RANBP2: variants seen among roughly 807,000 people sequenced by gnomAD.
RANBP2 encodes E3 SUMO-protein ligase RanBP2.
RANBP2 carries 57 observed loss-of-function variants against 303.6 expected under a neutral mutation model. That is an observed-to-expected ratio of 0.19 (90% confidence interval 0.15 to 0.23). RANBP2 has a LOEUF of 0.23. RANBP2 is among the 10% of genes least tolerant of loss of function. The pLI is 1.00. For missense variants in RANBP2, 3,138 were observed against 3,780.8 expected, an observed-to-expected ratio of 0.83 and a Z score of 4.46; for synonymous variants, 1,167 against 1,301.5, an observed-to-expected ratio of 0.90 and a Z score of 2.23.
At chr2:109,694,185 T>G in the RANBP2 span, among the ~76,000 whole-genome samples, 191 of 152,284 alleles carry the variant, frequency 1.3e-3, 7 homozygotes, top group South Asian at 0.038. Flanking sequence ...GGCTTGGCAC[T>G]ATCCCCTTGG....
rs758276925 is a variant in RANBP2 at position 108,731,476 on chromosome 2, T to C, written c.405+2T>C. The C allele has an allele frequency of 6.2e-7, 1 of 1,611,254 alleles. No homozygotes were observed. Among genetic ancestry groups the C allele is most frequent in the South Asian group, 1.1e-5 (1 of 90,928 alleles). Reference sequence around the variant, plus strand: ...AGTCCTGCAATTTATAAACTAAAGGTAAACAAACAAAACATAAAGGGAGAA... The same window carrying C: ...AGTCCTGCAATTTATAAACTAAAGGCAAACAAACAAAACATAAAGGGAGAA... On this transcript the variant is annotated splice_donor_variant, in intron 4 of 28. Transcript: ENST00000283195. LOFTEE classifies it high-confidence loss of function.
chr2:109,171,244 C>T, the RANBP2 span, among the ~76,000 whole-genome samples: 2 of 152,062 alleles, frequency 1.3e-5, no homozygotes, highest in African/African-American at 4.8e-5. Context: ...TATTTGCTTA[C>T]ATGTATTTGG....
the RANBP2 span, among the ~76,000 whole-genome samples, chr2:108,867,825 A>G: frequency 1.3e-5 from 2 of 152,228 alleles, no homozygotes; most frequent in Non-Finnish European, 2.9e-5. Flanking sequence ...TTGAGTCATC[A>G]GAACTGGAAT....
the RANBP2 span, chr2:109,251,325 G>C: frequency 1.9e-5 from 9 of 477,102 alleles, no homozygotes; most frequent in Non-Finnish European, 3.5e-5. Context: ...CTTTAACAAA[G>C]AATTAGAGAG....
At chr2:109,374,807 C>T in the RANBP2 span, among the ~76,000 whole-genome samples, 132 of 152,346 alleles carry the variant, frequency 8.7e-4, no homozygotes, top group African/African-American at 3.0e-3. Context: ...TGGGGTTCAC[C>T]GAGGGACTCT....
At chr2:108,935,385 A>C in the RANBP2 span, among the ~76,000 whole-genome samples, 1 of 152,154 alleles carries the variant, frequency 6.6e-6, no homozygotes, top group South Asian at 2.1e-4. Context: ...GAAATGCAGA[A>C]TCTCAGCCCC....
At chr2:109,661,378 C>A in the RANBP2 span, among the ~76,000 whole-genome samples, 3 of 152,034 alleles carry the variant, frequency 2.0e-5, no homozygotes, top group African/African-American at 7.2e-5. Flanking sequence ...TCCCGAGTAG[C>A]TGGGATTACA....
At chr2:108,729,003 TA>T (rs1481161840) in intron 1 of RANBP2, 128 bp from the exon 2 acceptor site, 4 of 1,182,396 alleles carry the variant, frequency 3.4e-6, no homozygotes, top group Non-Finnish European at 4.6e-6. Context: ...TGTCAGCCTT[TA>T]AAAAAACTTT....
At chr2:109,588,850 T>TAAAAAAA in the RANBP2 span, among the ~76,000 whole-genome samples, 5 of 111,442 alleles carry the variant, frequency 4.5e-5, no homozygotes, top group Admixed American at 9.7e-5. Flanking sequence ...CAATTACTAT[T>TAAAAAAA]AAAAAAAAAA....
chr2:108,919,246 T>C, the RANBP2 span, among the ~76,000 whole-genome samples: 1 of 152,272 alleles, frequency 6.6e-6, no homozygotes, highest in East Asian at 1.9e-4. Context: ...GTAGCAGAGA[T>C]TTCTCCAAAA....
the RANBP2 span, among the ~76,000 whole-genome samples, chr2:108,981,920 T>A: frequency 1.2e-3 from 178 of 152,364 alleles, no homozygotes; most frequent in Middle Eastern, 0.014. Flanking sequence ...GCCCAATAAA[T>A]GTGGGTTTCT....
At chr2:108,953,986 T>A in the RANBP2 span, among the ~76,000 whole-genome samples, 5 of 152,218 alleles carry the variant, frequency 3.3e-5, no homozygotes, top group African/African-American at 1.2e-4. Flanking sequence ...TGGTTGCTCC[T>A]GAAAGGCATG....
rs1410658120 is a variant in RANBP2, at chr2:108,751,956, G to C, written c.1717G>C (p.Ala573Pro). The change falls in exon 12 of 29, where the codon GCT becomes CCT. Residue 573 changes from alanine (A) to proline (P), a missense_variant. Coordinates refer to ENST00000283195, the MANE Select transcript of RANBP2 (RefSeq NM_006267.5). ...CCAGGAAAAACATGGCCTTCAACCT[G>C]CTCTGCTTGTACATTGGGCAGAATG... ...RAQEKHGLQP[A>P]LLVHWAECLQ... The C allele has an allele frequency of 1.2e-6, 2 of 1,611,900 alleles. No individual in the cohort carries two copies. The highest frequency in any genetic ancestry group is 1.7e-6 in the Non-Finnish European group (2 of 1,179,842).
chr2:109,702,780 G>T, the RANBP2 span, among the ~76,000 whole-genome samples: 1 of 148,946 alleles, frequency 6.7e-6, no homozygotes, highest in Non-Finnish European at 1.5e-5. Flanking sequence ...TCTCACAGCC[G>T]CATTCTTTGG....
At chr2:109,170,232 CTCT>C in the RANBP2 span, among the ~76,000 whole-genome samples, 2 of 50,786 alleles carry the variant, frequency 3.9e-5, no homozygotes, top group Non-Finnish European at 7.6e-5. Flanking sequence ...CTCTTCTCTT[CTCT>C]TCTTTTCTTT....
chr2:109,691,150 A>G, the RANBP2 span, among the ~76,000 whole-genome samples: 2 of 152,198 alleles, frequency 1.3e-5, no homozygotes, highest in Non-Finnish European at 2.9e-5. Context: ...AGTGTTTACA[A>G]TAGCCCTTGC....
At chr2:108,964,066 TTTCTCATGTTAATGAA>T in the RANBP2 span, among the ~76,000 whole-genome samples, 1 of 152,094 alleles carries the variant, frequency 6.6e-6, no homozygotes, top group Non-Finnish European at 1.5e-5. Flanking sequence ...AAGCACTGAG[TTTCTCATGTTAATGAA>T]TTCTACTTAA....
the RANBP2 span, among the ~76,000 whole-genome samples, chr2:109,292,521 C>G: frequency 6.6e-6 from 1 of 152,156 alleles, no homozygotes; most frequent in Non-Finnish European, 1.5e-5. Flanking sequence ...TTCACCTATC[C>G]GACGTTTAGC....
chr2:108,960,574 G>T, the RANBP2 span, among the ~76,000 whole-genome samples: 4 of 152,166 alleles, frequency 2.6e-5, no homozygotes, highest in Non-Finnish European at 5.9e-5. Flanking sequence ...CTTCCACCAC[G>T]CTGGCTCTGT....
Sources: allele counts gnomAD v4.1 joint callset (sites outside exome capture counted in the v4.1 genomes callset), GRCh38; gene constraint gnomAD v4.1.1; transcripts MANE v1.5; gene names NCBI Gene and HGNC (gene_info 2026-07-23, HGNC 2026-07-21).